The following IRAG1 variants were observed in gnomAD, a reference collection of about 807,000 sequenced individuals.
The protein encoded by IRAG1 is inositol 1,4,5-triphosphate receptor associated 1, also known as IP3R-associated cGMP kinase substrate.
In IRAG1, 62 loss-of-function variants were observed where a neutral mutation model predicts 106.2. That is an observed-to-expected ratio of 0.58 (90% CI 0.48 to 0.72). IRAG1 has a LOEUF of 0.72. IRAG1 is among the 30% of genes least tolerant of loss of function. The probability of loss-of-function intolerance (pLI) is 0.00; values close to 1 mark genes in which losing one functional copy is unlikely to be tolerated. For synonymous variants in IRAG1, 462 were observed against 443.9 expected (o/e 1.04, Z -0.51); for missense variants, 1,064 against 1,140.7 (o/e 0.93, Z 0.97).
chr11:10,657,402 C>T lies in IRAG1; in HGVS notation c.68-5220G>A, dbSNP rs1345342850. ...GCCTCTCATCATGGCGCCAAAGATG[C>T]CTCTCCCAGAGCCTTGCAACCTGCC... is the stretch of plus-strand genomic sequence containing the variant. On this transcript the variant is annotated intron_variant, in intron 1 of 20. Coordinates refer to ENST00000423302, the MANE Select transcript of IRAG1 (RefSeq NM_130385.4). The surrounding 1 kb of genome is among the most constrained non-coding windows in gnomAD (Gnocchi z 4.1). Among the ~76,000 whole-genome samples, 3 of 152,130 alleles carry T rather than the reference C, an allele frequency of 2.0e-5. No homozygotes were observed. The highest frequency in any genetic ancestry group is 1.3e-4 in the Admixed American group (2 of 15,266).
intron 15 of IRAG1, among the ~76,000 whole-genome samples, chr11:10,596,275 C>A (rs193259410): frequency 1.3e-3 from 204 of 152,278 alleles, no homozygotes; most frequent in Non-Finnish European, 2.7e-3. Context: ...TAGTCTTTAC[C>A]AAGCCCTCAA....
chr11:10,684,471 C>A (rs914076391), intron 1 of IRAG1, among the ~76,000 whole-genome samples: 1 of 151,232 alleles, frequency 6.6e-6, no homozygotes, highest in Non-Finnish European at 1.5e-5. Context: ...GTGGGGAGAG[C>A]GGGGAGGGAG....
chr11:10,591,694 G>T (rs968869695), intron 17 of IRAG1, 82 bp from the exon 18 acceptor site: 1 of 1,259,194 alleles, frequency 7.9e-7, no homozygotes, highest in Admixed American at 2.0e-5. Flanking sequence ...TGATGATGCT[G>T]GGAGCGGGGC....
chr11:10,640,404 CA>C, intron 2 of IRAG1, among the ~76,000 whole-genome samples: 1 of 152,328 alleles, frequency 6.6e-6, no homozygotes, highest in South Asian at 2.1e-4. Context: ...AGGTTCTTCA[CA>C]CTTGCCTTCT....
intron 12 of IRAG1, among the ~76,000 whole-genome samples, chr11:10,606,489 T>A (rs1046718348): frequency 6.6e-6 from 1 of 152,234 alleles, no homozygotes; most frequent in Non-Finnish European, 1.5e-5. Flanking sequence ...ATATAAACAA[T>A]CCTTACAGGA....
At position 10,609,831 on chromosome 11, in the gene IRAG1, G is replaced by A; in HGVS notation, c.1468C>T (p.Pro490Ser). 6.2e-7 allele frequency: 1 copy of A among 1,613,894 alleles called. No individual in the cohort carries two copies. Among genetic ancestry groups the A allele is most frequent in the South Asian group, 1.1e-5 (1 of 91,078 alleles). Residue 490 changes from proline to serine, a missense_variant, in exon 11 of 21, where the codon CCA (proline) becomes TCA (serine). Pro to Ser is a moderately conservative substitution (Grantham distance 74). Coordinates refer to ENST00000423302, the MANE Select transcript of IRAG1 (RefSeq NM_130385.4). Reference sequence around the variant, plus strand: ...TTTGACTCTTCTTCCTCAATAGCTGGGGAGAGTTCAGAAGGAAGCCCTGAA... The same window carrying A: ...TTTGACTCTTCTTCCTCAATAGCTGAGGAGAGTTCAGAAGGAAGCCCTGAA... The part of the protein sequence containing the change: ...QEKGLPSELS[P>S]AIEEEESKSG...
At chr11:10,679,581 T>A (rs1860980099) in intron 1 of IRAG1, among the ~76,000 whole-genome samples, 1 of 152,248 alleles carries the variant, frequency 6.6e-6, no homozygotes, top group Non-Finnish European at 1.5e-5. Context: ...CAGCCCACTG[T>A]CTGCCTCTCA....
At chr11:10,658,222 C>T (rs969465584) in intron 1 of IRAG1, among the ~76,000 whole-genome samples, 1 of 152,210 alleles carries the variant, frequency 6.6e-6, no homozygotes, top group African/African-American at 2.4e-5. Context: ...GGATGGGAAG[C>T]CTGCCTTGGG....
chr11:10,604,587 A>G, intron 12 of IRAG1, 42 bp from the exon 13 acceptor site: 1 of 1,612,332 alleles, frequency 6.2e-7, no homozygotes. Flanking sequence ...GGGAGGAGTT[A>G]CTGCAGAGGA....
At chr11:10,662,818 G>A (rs890441645) in intron 1 of IRAG1, among the ~76,000 whole-genome samples, 13 of 152,192 alleles carry the variant, frequency 8.5e-5, no homozygotes, top group African/African-American at 2.2e-4. Flanking sequence ...CTGGTATTAG[G>A]GGTCCTGGCA....
chr11:10,653,359 G>A (rs563335712), intron 1 of IRAG1, among the ~76,000 whole-genome samples: 98 of 152,286 alleles, frequency 6.4e-4, no homozygotes, highest in African/African-American at 2.3e-3. Context: ...TCTTGGTGTT[G>A]AAATCACTTT....
At chr11:10,684,727 A>G (rs1332765570) in intron 1 of IRAG1, among the ~76,000 whole-genome samples, 1 of 151,884 alleles carries the variant, frequency 6.6e-6, no homozygotes, top group Non-Finnish European at 1.5e-5. Context: ...ATTGCTGGCT[A>G]CCTACCTTTT....
intron 1 of IRAG1, 171 bp from the exon 2 acceptor site, chr11:10,652,353 T>G (rs1318801261): frequency 7.0e-7 from 1 of 1,436,976 alleles, no homozygotes; most frequent in East Asian, 2.6e-5. Context: ...TCCGGCTCTC[T>G]GGCTTTGTTT....
intron 20 of IRAG1, among the ~76,000 whole-genome samples, chr11:10,579,389 C>G (rs1382126654): frequency 6.6e-6 from 1 of 152,166 alleles, no homozygotes; most frequent in African/African-American, 2.4e-5. Flanking sequence ...ATTTCAGCAG[C>G]TGATTAGATA....
chr11:10,601,384 T>A (rs1303715578), intron 14 of IRAG1, among the ~76,000 whole-genome samples: 2 of 151,996 alleles, frequency 1.3e-5, no homozygotes, highest in Non-Finnish European at 2.9e-5. Context: ...TCTGGGCCCA[T>A]AGACAAGGGC....
chr11:10,687,868 C>A, intron 1 of IRAG1: 9 of 1,045,190 alleles, frequency 8.6e-6, no homozygotes, highest in South Asian at 1.5e-5. Context: ...TTTAGCTTTG[C>A]TTTTTTTTGG....
chr11:10,600,650 A>T (rs1358129079), intron 15 of IRAG1, among the ~76,000 whole-genome samples: 2 of 152,220 alleles, frequency 1.3e-5, no homozygotes, highest in Admixed American at 6.5e-5. Context: ...CTTGTAGCCC[A>T]TGGGCTTTGT....
At chr11:10,617,910 G>C (rs11827503) in intron 10 of IRAG1, among the ~76,000 whole-genome samples, 75,640 of 149,416 alleles carry the variant, frequency 0.51, 19,195 homozygotes, top group East Asian at 0.7. Flanking sequence ...TCTAGCCTCT[G>C]CTGTTTCAGG....
intron 12 of IRAG1, 101 bp downstream of exon 12, chr11:10,606,641 T>C (rs1854500234): frequency 8.2e-7 from 1 of 1,213,824 alleles, no homozygotes; most frequent in Non-Finnish European, 1.1e-6. Context: ...TTTCTCATTT[T>C]TGTCTAAAAA....
Sources: allele counts gnomAD v4.1 joint callset (sites outside exome capture counted in the v4.1 genomes callset), GRCh38; gene constraint gnomAD v4.1.1; non-coding constraint Gnocchi (gnomAD v3.1); transcripts MANE v1.5; gene names NCBI Gene and HGNC (gene_info 2026-07-23, HGNC 2026-07-21).